The following HEMK2 variants were observed in gnomAD, a reference collection of about 807,000 sequenced individuals.
HEMK2 encodes methyltransferase HEMK2.
At chr21:28,767,887 G>T in the HEMK2 span, among the ~76,000 whole-genome samples, 2 of 151,982 alleles carry the variant, frequency 1.3e-5, no homozygotes, top group East Asian at 1.9e-4. Flanking sequence ...GGCAAGTCCT[G>T]TGAGAACTCT....
At chr21:28,729,021 T>A in the HEMK2 span, among the ~76,000 whole-genome samples, 1 of 152,158 alleles carries the variant, frequency 6.6e-6, no homozygotes, top group African/African-American at 2.4e-5. Context: ...GGACTGAGAG[T>A]GTACTCATTT....
At chr21:28,856,279 G>A in the HEMK2 span, among the ~76,000 whole-genome samples, 2 of 152,122 alleles carry the variant, frequency 1.3e-5, no homozygotes, top group Non-Finnish European at 2.9e-5. Context: ...GCCAGGAGTG[G>A]TGGCAGGTTC....
At chr21:28,645,501 A>C in the HEMK2 span, among the ~76,000 whole-genome samples, 1 of 152,196 alleles carries the variant, frequency 6.6e-6, no homozygotes, top group Non-Finnish European at 1.5e-5. Context: ...AAAAAGACTC[A>C]AAAAGAATTT....
the HEMK2 span, among the ~76,000 whole-genome samples, chr21:28,784,646 T>C: frequency 2.6e-5 from 4 of 152,220 alleles, no homozygotes; most frequent in South Asian, 8.3e-4. Flanking sequence ...AATGCACCAA[T>C]CAGTGCTCTG....
the HEMK2 span, among the ~76,000 whole-genome samples, chr21:28,642,970 G>A: frequency 1.3e-5 from 2 of 152,140 alleles, no homozygotes; most frequent in Non-Finnish European, 2.9e-5. Context: ...GCTTAGGGTC[G>A]CAGTTCCAGG....
the HEMK2 span, among the ~76,000 whole-genome samples, chr21:28,740,471 A>G: frequency 0.014 from 2,119 of 152,360 alleles, 26 homozygotes; most frequent in Middle Eastern, 0.024. Context: ...GTTGGCTATC[A>G]TAGCTTCCAT....
the HEMK2 span, among the ~76,000 whole-genome samples, chr21:28,843,581 G>A: frequency 6.6e-6 from 1 of 152,094 alleles, no homozygotes; most frequent in African/African-American, 2.4e-5. Context: ...AATTATTTTT[G>A]CAAAGAAAGG....
chr21:28,583,312 T>C, the HEMK2 span, among the ~76,000 whole-genome samples: 1 of 152,206 alleles, frequency 6.6e-6, no homozygotes, highest in African/African-American at 2.4e-5. Flanking sequence ...TTTCTTCCAA[T>C]AGATGGTGTC....
chr21:28,872,848 TG>T, the HEMK2 span: 1 of 152,204 alleles, frequency 6.6e-6, no homozygotes, highest in African/African-American at 2.4e-5. Context: ...CTCAACAAAC[TG>T]GATGATGTCC....
At chr21:28,749,449 G>T in the HEMK2 span, among the ~76,000 whole-genome samples, 1 of 152,260 alleles carries the variant, frequency 6.6e-6, no homozygotes, top group East Asian at 1.9e-4. Flanking sequence ...CAAAGTCAGA[G>T]GATCCAAAGT....
At chr21:28,802,654 C>T in the HEMK2 span, among the ~76,000 whole-genome samples, 10 of 152,150 alleles carry the variant, frequency 6.6e-5, no homozygotes, top group African/African-American at 2.2e-4. Context: ...TCACTTGAAC[C>T]CAGGAAGGGG....
chr21:28,797,334 G>A, the HEMK2 span, among the ~76,000 whole-genome samples: 2 of 151,994 alleles, frequency 1.3e-5, no homozygotes, highest in African/African-American at 2.4e-5. Flanking sequence ...AGTGGCCCAT[G>A]CCTGTAATCC....
At chr21:28,751,902 C>T in the HEMK2 span, among the ~76,000 whole-genome samples, 1 of 151,990 alleles carries the variant, frequency 6.6e-6, no homozygotes, top group Non-Finnish European at 1.5e-5. Flanking sequence ...GCTGGTCACC[C>T]GCCTCAGCCT....
chr21:28,742,617 CA>C, the HEMK2 span, among the ~76,000 whole-genome samples: 9 of 151,446 alleles, frequency 5.9e-5, no homozygotes, highest in Non-Finnish European at 1.3e-4. Flanking sequence ...ATTCCTTTTC[CA>C]AGTTTTAATC....
the HEMK2 span, among the ~76,000 whole-genome samples, chr21:28,796,851 T>C: frequency 6.6e-6 from 1 of 152,252 alleles, no homozygotes; most frequent in East Asian, 1.9e-4. Context: ...ATTACGGACA[T>C]GAACCACTGC....
chr21:28,884,714 A>G, the HEMK2 span, among the ~76,000 whole-genome samples: 2 of 152,206 alleles, frequency 1.3e-5, no homozygotes, highest in African/African-American at 4.8e-5. Context: ...CTGGTGCTAG[A>G]GTATGCTATT....
the HEMK2 span, among the ~76,000 whole-genome samples, chr21:28,627,897 T>G: frequency 6.6e-6 from 1 of 152,132 alleles, no homozygotes; most frequent in Non-Finnish European, 1.5e-5. Context: ...TAACATCACT[T>G]AAGTCTCTGA....
At chr21:28,588,228 A>C in the HEMK2 span, among the ~76,000 whole-genome samples, 1 of 152,198 alleles carries the variant, frequency 6.6e-6, no homozygotes. Flanking sequence ...AAAGTGTTGT[A>C]AGAAAGCTGA....
At chr21:28,791,428 C>T in the HEMK2 span, among the ~76,000 whole-genome samples, 1 of 151,978 alleles carries the variant, frequency 6.6e-6, no homozygotes, top group Non-Finnish European at 1.5e-5. Context: ...GTGTTTTCAA[C>T]TGGGAGGTGA....
Sources: gnomAD v4.1 joint callset for allele counts (sites outside exome capture counted in the v4.1 genomes callset) on GRCh38, gnomAD v4.1.1 for gene constraint, MANE v1.5 for transcripts, NCBI Gene and HGNC (gene_info 2026-07-23, HGNC 2026-07-21) for gene names.